IL2RB: variants seen among roughly 807,000 people sequenced by gnomAD.
IL2RB encodes interleukin 2 receptor subunit beta.
IL2RB carries 17 observed loss-of-function variants against 44.2 expected under a neutral mutation model. That is an observed-to-expected ratio of 0.38 (90% CI 0.26 to 0.58). The LOEUF (loss-of-function observed/expected upper bound fraction) is 0.58, where lower values mean the gene tolerates loss of function less well. Ranked by LOEUF, IL2RB falls within the 20% of genes least tolerant of loss-of-function variation. IL2RB has a pLI of 0.63. For missense variants in IL2RB, 624 were observed against 685.5 expected (o/e 0.91, Z 1.00); for synonymous variants, 286 against 297.9 (o/e 0.96, Z 0.41).
intron 1 of IL2RB, among the ~76,000 whole-genome samples, chr22:37,174,518 T>C (rs1369758216): frequency 2.0e-5 from 3 of 152,194 alleles, no homozygotes; most frequent in Non-Finnish European, 4.4e-5. Flanking sequence ...ATGTGTCCTA[T>C]GAAATGCCAT....
At chr22:37,136,530 C>A (rs1276376905) in intron 6 of IL2RB, 137 bp from the exon 7 acceptor site, 10 of 945,808 alleles carry the variant, frequency 1.1e-5, no homozygotes, top group South Asian at 1.7e-5. Context: ...CCTCACTACC[C>A]AGTTGCTGGG....
At chr22:37,158,515 G>A (rs568562667) in intron 1 of IL2RB, among the ~76,000 whole-genome samples, 11 of 152,182 alleles carry the variant, frequency 7.2e-5, no homozygotes, top group South Asian at 2.1e-4. Context: ...CCAAGATTGC[G>A]CAACCGCACT....
rs73408841 is a variant in IL2RB, at chr22:37,170,478, G to C, written c.-34+4480C>G. 5.3e-3 allele frequency among the ~76,000 whole-genome samples: 807 copies of C among 152,296 alleles called. 5 individuals are homozygous for C. The highest frequency in any genetic ancestry group is 0.027 in the Middle Eastern group (8 of 294). On this transcript the variant is annotated intron_variant, in intron 1 of 5. Transcript: ENST00000429622. Reference sequence around the variant, plus strand: ...GCTGCCCCCAGCCGTGGAGAGATGCGTGTCTGCCACAGGGGAAGCAGCGCC... The same window carrying C: ...GCTGCCCCCAGCCGTGGAGAGATGCCTGTCTGCCACAGGGGAAGCAGCGCC...
chr22:37,169,315 C>CT (rs1923193417), intron 1 of IL2RB, among the ~76,000 whole-genome samples: 5 of 135,260 alleles, frequency 3.7e-5, no homozygotes, highest in African/African-American at 1.3e-4. Flanking sequence ...CTTGTTTACA[C>CT]GTTTACAGAG....
rs1470582600 is a variant in IL2RB, at chr22:37,144,183, G to C, written c.-11C>G. 1 of 1,549,830 alleles carries C rather than the reference G, an allele frequency of 6.5e-7. No individual in the cohort carries two copies. Among genetic ancestry groups the C allele is most frequent in the Admixed American group, 2.0e-5 (1 of 50,734 alleles). On this transcript the variant is annotated 5_prime_UTR_variant, in exon 2 of 10. Coordinates refer to ENST00000216223, the MANE Select transcript of IL2RB (RefSeq NM_000878.5). ...AGCAGGGGCCGCCATTACATCCACA[G>C]GGTGGAGCCGAGGAAGGAAGCCCTG...
In IL2RB at chr22:37,135,341, T is replaced by C. The variant is rs951679721; in HGVS notation, c.805A>G (p.Asn269Asp). 1 of 1,613,226 alleles carries C rather than the reference T, an allele frequency of 6.2e-7. No individual in the cohort carries two copies. The highest frequency in any genetic ancestry group is 2.2e-5 in the East Asian group (1 of 44,874). Residue 269 changes from asparagine (N) to aspartate (D), a missense_variant, in exon 8 of 10, where the codon AAC becomes GAC. Physicochemically the swap from Asn to Asp is conservative, Grantham distance 23. Transcript: ENST00000216223. ...GAACCTTCTTACCATGGCCCGGTGTTCCTGCAGTTGATCAGCAAGTACACT... is the reference window on the plus strand; with the variant it reads ...GAACCTTCTTACCATGGCCCGGTGTCCCTGCAGTTGATCAGCAAGTACACT... The part of the protein sequence containing the change: ...ILVYLLINCR[N>D]TGPWLKKVLK...
At chr22:37,144,877 C>T (rs908517744) in intron 1 of IL2RB, among the ~76,000 whole-genome samples, 3 of 152,200 alleles carry the variant, frequency 2.0e-5, no homozygotes, top group Non-Finnish European at 2.9e-5. Flanking sequence ...CACAGAGTCA[C>T]GTAAGCTCAC....
chr22:37,125,925 C>T lies in IL2RB; in HGVS notation c.*2171G>A, dbSNP rs1433548094. On this transcript the variant is annotated 3_prime_UTR_variant, in exon 10 of 10. Transcript: ENST00000216223. The stretch of plus-strand genomic sequence containing the variant: ...CATTTACAGAGTAACAAAGATTTTT[C>T]TTTAAATAAATGTATTTCAACGAAA... The T allele has an allele frequency of 6.6e-6, 1 of 151,914 alleles. No homozygotes were observed. 9.4% of individuals were successfully genotyped at this position (151,914 alleles called of 1,614,324 possible).
chr22:37,161,293 T>C (rs1922861644), intron 1 of IL2RB, among the ~76,000 whole-genome samples: 1 of 152,306 alleles, frequency 6.6e-6, no homozygotes, highest in Admixed American at 6.5e-5. Flanking sequence ...GAGGGTGGCA[T>C]TGACAAAGGG....
At chr22:37,146,651 G>A (rs967548684) in intron 1 of IL2RB, among the ~76,000 whole-genome samples, 9 of 152,172 alleles carry the variant, frequency 5.9e-5, no homozygotes, top group South Asian at 4.1e-4. Flanking sequence ...TCTTCTGAGC[G>A]CCTTGCTCCT....
At chr22:37,145,314 C>A (rs777893587) in intron 1 of IL2RB, among the ~76,000 whole-genome samples, 20 of 152,080 alleles carry the variant, frequency 1.3e-4, no homozygotes, top group Non-Finnish European at 1.8e-4. Flanking sequence ...CCAGATTATA[C>A]CCCAGGGAGG....
At chr22:37,155,790 T>C (rs575355606) in intron 1 of IL2RB, among the ~76,000 whole-genome samples, 1 of 152,076 alleles carries the variant, frequency 6.6e-6, no homozygotes, top group Admixed American at 6.5e-5. Flanking sequence ...CTTGCTCCTA[T>C]AACTACTTCT....
chr22:37,129,700 CA>C (rs1292686730), intron 9 of IL2RB, among the ~76,000 whole-genome samples: 2 of 152,250 alleles, frequency 1.3e-5, no homozygotes, highest in African/African-American at 4.8e-5. Flanking sequence ...AAGGAGACAT[CA>C]GGTAAGCAAA....
At chr22:37,162,409 C>T (rs947966769) in intron 1 of IL2RB, among the ~76,000 whole-genome samples, 2 of 152,210 alleles carry the variant, frequency 1.3e-5, no homozygotes, top group Admixed American at 6.5e-5. Flanking sequence ...TCACAGCCCA[C>T]CGACTTGCTG....
chr22:37,164,480 G>A (rs1050725338), intron 1 of IL2RB, among the ~76,000 whole-genome samples: 7 of 151,142 alleles, frequency 4.6e-5, no homozygotes, highest in South Asian at 2.1e-4. Flanking sequence ...GTGAGGGGCC[G>A]GGTGGTGGGG....
intron 1 of IL2RB, among the ~76,000 whole-genome samples, chr22:37,169,261 A>G (rs1923189944): frequency 1.4e-5 from 2 of 147,454 alleles, no homozygotes; most frequent in Admixed American, 6.6e-5. Context: ...TTCTGTTTAC[A>G]GAGGGGTTCT....
chr22:37,148,456 G>A (rs1043955500), intron 1 of IL2RB, among the ~76,000 whole-genome samples: 3 of 152,118 alleles, frequency 2.0e-5, no homozygotes, highest in African/African-American at 7.2e-5. Context: ...GTGCCCTGTC[G>A]TTCATGACTC....
At chr22:37,170,087 A>AG (rs1259989608) in intron 1 of IL2RB, among the ~76,000 whole-genome samples, 1 of 112,426 alleles carries the variant, frequency 8.9e-6, no homozygotes, top group Non-Finnish European at 1.7e-5. Flanking sequence ...GAAGGAAGGA[A>AG]GAATGGATGG....
At chr22:37,152,200 A>T (rs957360439), upstream of IL2RB, among the ~76,000 whole-genome samples, 9 of 152,228 alleles carry the variant, frequency 5.9e-5, no homozygotes, top group African/African-American at 2.2e-4. Context: ...CCAATCCATA[A>T]ACATAGAATA....
Sources: allele counts gnomAD v4.1 joint callset (sites outside exome capture counted in the v4.1 genomes callset), GRCh38; gene constraint gnomAD v4.1.1; transcripts MANE v1.5; gene names NCBI Gene and HGNC (gene_info 2026-07-23, HGNC 2026-07-21).